CIMAP1C: variants seen among roughly 807,000 people sequenced by gnomAD.
The protein encoded by CIMAP1C is ciliary microtubule associated protein 1C.
the CIMAP1C span, chr15:75,726,012 G>A: frequency 7.4e-7 from 1 of 1,343,482 alleles, no homozygotes; most frequent in Non-Finnish European, 1.1e-6. Context: ...TGCTCAGTGG[G>A]GCAGCCTTTG....
At chr15:75,726,852 G>T in the CIMAP1C span, among the ~76,000 whole-genome samples, 1 of 152,118 alleles carries the variant, frequency 6.6e-6, no homozygotes, top group Non-Finnish European at 1.5e-5. Flanking sequence ...CTGATCTTGT[G>T]ATCTGCCTGC....
the CIMAP1C span, among the ~76,000 whole-genome samples, chr15:75,724,645 C>CT: frequency 6.6e-6 from 1 of 152,198 alleles, no homozygotes; most frequent in Non-Finnish European, 1.5e-5. Flanking sequence ...GACTAGTGCT[C>CT]TAAGTGGGAG....
chr15:75,725,111 C>A, the CIMAP1C span: 1 of 1,612,616 alleles, frequency 6.2e-7, no homozygotes, highest in South Asian at 1.1e-5. Context: ...CTTACAGGTC[C>A]GGGGCCCGCC....
chr15:75,725,964 T>C, the CIMAP1C span: 4 of 734,646 alleles, frequency 5.4e-6, no homozygotes, highest in Non-Finnish European at 9.3e-6. Context: ...CCACAGAATC[T>C]GAAGTGGGAG....
chr15:75,727,461 A>G, the CIMAP1C span: 1 of 1,613,864 alleles, frequency 6.2e-7, no homozygotes, highest in Admixed American at 1.7e-5. Flanking sequence ...ACTGTGCACA[A>G]GCCCCACATC....
At chr15:75,724,331 C>T in the CIMAP1C span, 4 of 1,574,824 alleles carry the variant, frequency 2.5e-6, no homozygotes, top group African/African-American at 5.4e-5. Context: ...AGAGCCATCC[C>T]CACCCTGGGC....
chr15:75,726,041 C>T, the CIMAP1C span: 2 of 1,581,262 alleles, frequency 1.3e-6, no homozygotes, highest in Non-Finnish European at 1.7e-6. Context: ...CAGGCCCTCT[C>T]CTTGGTTGCC....
At chr15:75,724,119 T>C in the CIMAP1C span, 3 of 854,560 alleles carry the variant, frequency 3.5e-6, no homozygotes, top group Non-Finnish European at 5.9e-6. Context: ...GATGGGGGGG[T>C]CTCAGGCAGG....
At chr15:75,726,627 A>G in the CIMAP1C span, among the ~76,000 whole-genome samples, 1 of 151,618 alleles carries the variant, frequency 6.6e-6, no homozygotes, top group Non-Finnish European at 1.5e-5. Flanking sequence ...TTTATTATTT[A>G]TTTATTTAGA....
chr15:75,725,955 C>A, the CIMAP1C span: 1 of 687,570 alleles, frequency 1.5e-6, no homozygotes, highest in East Asian at 2.8e-5. Context: ...ACCCAGGAGC[C>A]ACAGAATCTG....
chr15:75,724,213 A>G, the CIMAP1C span: 3 of 1,613,794 alleles, frequency 1.9e-6, no homozygotes, highest in Non-Finnish European at 2.5e-6. Context: ...AAACTGCCCA[A>G]GGGGACCAGG....
chr15:75,725,023 T>G, the CIMAP1C span: 1 of 850,306 alleles, frequency 1.2e-6, no homozygotes, highest in Non-Finnish European at 2.0e-6. Context: ...ATACCCCCAA[T>G]GTTCCCATGG....
the CIMAP1C span, chr15:75,726,219 T>TGGGGGGGTGGGGGGGG: frequency 7.6e-6 from 5 of 653,632 alleles, no homozygotes; most frequent in Admixed American, 4.4e-5. Flanking sequence ...GGTTGGGGGG[T>TGGGGGGGTGGGGGGGG]GGGGTGCACC....
chr15:75,725,719 C>A, the CIMAP1C span, among the ~76,000 whole-genome samples: 2 of 152,198 alleles, frequency 1.3e-5, no homozygotes, highest in Non-Finnish European at 2.9e-5. Context: ...GGGGAGAATA[C>A]CCACCTCAGC....
At chr15:75,725,197 C>T in the CIMAP1C span, 4 of 1,613,298 alleles carry the variant, frequency 2.5e-6, no homozygotes, top group Non-Finnish European at 1.7e-6. Flanking sequence ...TTATACCCTG[C>T]ATAGCCGGCA....
At chr15:75,727,134 A>G in the CIMAP1C span, 19 of 1,613,920 alleles carry the variant, frequency 1.2e-5, no homozygotes, top group African/African-American at 5.3e-5. Flanking sequence ...AGGGCTCCCC[A>G]GTACACGTTT....
the CIMAP1C span, chr15:75,727,359 G>T: frequency 7.4e-6 from 12 of 1,613,956 alleles, no homozygotes; most frequent in Admixed American, 1.7e-5. Context: ...TATCAGAACC[G>T]CAGCCCTACT....
At chr15:75,725,074 C>G in the CIMAP1C span, 1 of 1,491,806 alleles carries the variant, frequency 6.7e-7, no homozygotes. Context: ...ACCTGGTGGG[C>G]CCAGGCTGAG....
At chr15:75,726,219 T>TGGGGAGGTGGGGGGGG in the CIMAP1C span, 2 of 653,624 alleles carry the variant, frequency 3.1e-6, no homozygotes, top group Admixed American at 2.2e-5. Context: ...GGTTGGGGGG[T>TGGGGAGGTGGGGGGGG]GGGGTGCACC....
Sources: gnomAD v4.1 joint callset for allele counts (sites outside exome capture counted in the v4.1 genomes callset) on GRCh38, gnomAD v4.1.1 for gene constraint, MANE v1.5 for transcripts, NCBI Gene and HGNC (gene_info 2026-07-23, HGNC 2026-07-21) for gene names.